EPRS1: variants seen among roughly 807,000 people sequenced by gnomAD.
EPRS1 encodes the protein bifunctional glutamate/proline--tRNA ligase.
In EPRS1, 107 loss-of-function variants were observed where a neutral mutation model predicts 188.3. The observed-to-expected ratio is 0.57, with a 90% CI of 0.49 to 0.67. EPRS1 has a LOEUF of 0.67. EPRS1 is among the 30% of genes least tolerant of loss of function. The pLI, the probability that EPRS1 is intolerant of heterozygous loss-of-function variation, is 0.00. For synonymous variants in EPRS1, 596 were observed against 593.1 expected, an observed-to-expected ratio of 1.00 and a Z score of -0.07; for missense variants, 1,577 against 1,802.2, an observed-to-expected ratio of 0.88 and a Z score of 2.26.
Position 219,991,352 on chromosome 1 carries a change from G to GT in EPRS1, c.2542-2530dup, listed in dbSNP as rs559736004. 3.3e-5 allele frequency among the ~76,000 whole-genome samples: 5 copies of GT among 150,860 alleles called. No individual in the cohort carries two copies. The East Asian group carries it at 9.8e-4, about 29-fold the overall frequency. On this transcript the variant is annotated intron_variant, in intron 18 of 31. Transcript: ENST00000366923. ...TTCAAAAAATACTTTTTTCAAACTT[G>GT]TTTTTTCCAATTTTATTACCACTCA...
intron 12 of EPRS1, among the ~76,000 whole-genome samples, chr1:220,012,383 C>G (rs1358365601): frequency 1.3e-5 from 2 of 152,270 alleles, no homozygotes; most frequent in African/African-American, 4.8e-5. Flanking sequence ...CTAGACAACC[C>G]CGCCTAAGAA....
At chr1:220,037,505 CAA>C (rs766349279) in intron 2 of EPRS1, among the ~76,000 whole-genome samples, 3 of 52,324 alleles carry the variant, frequency 5.7e-5, no homozygotes, top group Middle Eastern at 0.012. Context: ...ACTCCATCTC[CAA>C]AAAAAAAAAA....
intron 18 of EPRS1, among the ~76,000 whole-genome samples, chr1:219,992,576 G>T (rs1255656237): frequency 6.6e-6 from 1 of 152,138 alleles, no homozygotes; most frequent in East Asian, 1.9e-4. Context: ...TCTAACTGTA[G>T]CATGAAAGCA....
At chr1:220,034,827 T>C in intron 3 of EPRS1, 87 bp downstream of exon 3, 1 of 803,258 alleles carries the variant, frequency 1.2e-6, no homozygotes, top group Non-Finnish European at 2.3e-6. Flanking sequence ...AGTAGAATAG[T>C]TCATAAGCCA....
rs1354618413 is a variant in EPRS1 at position 220,041,011 on chromosome 1, G to C, written c.47-742C>G. ...CACTATGCCAAATGCTTTACAGTTA[G>C]AATTTTTCATCTTTGGGGTAACCTG... On this transcript the variant is annotated intron_variant, in intron 1 of 31. Transcript: ENST00000366923. 2.6e-5 allele frequency among the ~76,000 whole-genome samples: 4 copies of C among 151,638 alleles called. No homozygotes were observed. In the South Asian group the frequency reaches 6.3e-4, roughly 24 times the overall value.
In EPRS1 at chr1:220,025,183, G is replaced by T; in HGVS notation, c.699C>A (p.Ile233=). The part of the protein sequence containing the change: ...HYQVNFKGKL[I]MRFDDTNPEK... ...CAGGATTTGTGTCATCAAATCTCAT[G>T]ATCAGTTTCCCTTTAAAGTTAACCT... Residue 233 remains isoleucine (I), a synonymous_variant, in exon 7 of 32, where the codon ATC becomes ATA. Transcript: ENST00000366923. The T allele has an allele frequency of 6.2e-7, 1 of 1,612,674 alleles. No homozygotes were observed.
At chr1:220,033,879 C>CT (rs56389209) in intron 3 of EPRS1, among the ~76,000 whole-genome samples, 117,063 of 144,776 alleles carry the variant, frequency 0.81, 47,184 homozygotes, top group East Asian at 0.91. Context: ...ATGCTTTCTG[C>CT]TTTTTTTTTT....
intron 16 of EPRS1, 88 bp from the exon 17 acceptor site, chr1:220,001,343 G>A: frequency 2.5e-6 from 2 of 786,590 alleles, no homozygotes; most frequent in Non-Finnish European, 2.2e-6. Flanking sequence ...TAAATTCAAT[G>A]GCACTAAGTT....
In EPRS1 at chr1:220,001,140, C is replaced by G. The variant is rs371731056; in HGVS notation, c.2179G>C (p.Glu727Gln). Reference sequence around the variant, plus strand: ...CACATATCCGTAAAAGTCATTACCTCATTTTTTGTGGCTTCTACTTTGGTC... The same window carrying G: ...CACATATCCGTAAAAGTCATTACCTGATTTTTTGTGGCTTCTACTTTGGTC... The part of the protein sequence containing the change: ...EKTKVEATKN[E>Q]TSAPFKERPT... Residue 727 changes from glutamate to glutamine, a missense_variant and splice_region_variant, in exon 17 of 32, where the codon GAG (glutamate) becomes CAG (glutamine). Around this residue, in one of 3 missense-constraint regions of EPRS1, gnomAD observed 1,278 missense variants for 1,457.4 expected, o/e 0.88. Coordinates refer to ENST00000366923, the MANE Select transcript of EPRS1 (RefSeq NM_004446.3). The G allele has an allele frequency of 6.4e-7, 1 of 1,571,866 alleles. No homozygotes were observed. The highest frequency in any genetic ancestry group is 8.8e-7 in the Non-Finnish European group (1 of 1,141,368).
intron 30 of EPRS1, among the ~76,000 whole-genome samples, chr1:219,970,925 T>C (rs955696834): frequency 5.3e-5 from 8 of 152,278 alleles, no homozygotes; most frequent in Admixed American, 5.2e-4. Context: ...TATTATCTAT[T>C]TTGTACTCAT....
intron 16 of EPRS1, among the ~76,000 whole-genome samples, chr1:220,002,016 G>A (rs1376847089): frequency 2.0e-5 from 3 of 148,912 alleles, no homozygotes; most frequent in Non-Finnish European, 4.4e-5. Flanking sequence ...GTGACAGAGT[G>A]AGATTCTGTC....
intron 6 of EPRS1, among the ~76,000 whole-genome samples, chr1:220,025,806 T>C (rs1661960785): frequency 6.6e-6 from 1 of 152,000 alleles, no homozygotes; most frequent in African/African-American, 2.4e-5. Flanking sequence ...TTTTTTTTTT[T>C]TTTTTTGAGA....
At chr1:220,013,088 T>C (rs747140136) in intron 12 of EPRS1, among the ~76,000 whole-genome samples, 4 of 152,310 alleles carry the variant, frequency 2.6e-5, no homozygotes, top group African/African-American at 4.8e-5. Flanking sequence ...TAAGGGTTCA[T>C]AGAGATTGAC....
At chr1:219,982,317 C>A (rs1385339511) in intron 23 of EPRS1, among the ~76,000 whole-genome samples, 2 of 152,148 alleles carry the variant, frequency 1.3e-5, no homozygotes. Context: ...GTAACTTTCC[C>A]TGCCTTCCTC....
chr1:220,033,717 A>C, intron 3 of EPRS1, 59 bp from the exon 4 acceptor site: 2 of 1,345,162 alleles, frequency 1.5e-6, no homozygotes, highest in South Asian at 2.5e-5. Flanking sequence ...ATAAAAAGAA[A>C]GACCATAAAA....
chr1:219,976,461 CTTGTA>C (rs770093280), intron 28 of EPRS1, among the ~76,000 whole-genome samples: 24 of 152,264 alleles, frequency 1.6e-4, no homozygotes, highest in African/African-American at 4.1e-4. Flanking sequence ...ACTATACTAA[CTTGTA>C]TTGTATTATG....
chr1:220,030,086 T>C (rs778306151), intron 6 of EPRS1, among the ~76,000 whole-genome samples: 52 of 152,180 alleles, frequency 3.4e-4, no homozygotes, highest in Admixed American at 2.6e-3. Flanking sequence ...AATCTAAAAA[T>C]AAAAATGAAA....
chr1:219,980,285 T>C (rs762055553), intron 25 of EPRS1, 45 bp from the exon 26 acceptor site: 1 of 1,484,416 alleles, frequency 6.7e-7, no homozygotes, highest in Admixed American at 1.7e-5. Flanking sequence ...AGGGTACATT[T>C]ATTCATTAAG....
intron 27 of EPRS1, among the ~76,000 whole-genome samples, chr1:219,979,123 G>A (rs868807190): frequency 2.0e-5 from 3 of 152,300 alleles, no homozygotes; most frequent in Middle Eastern, 6.8e-3. Flanking sequence ...CCACAGTGCT[G>A]GGATTACAGG....
Sources: allele counts gnomAD v4.1 joint callset (sites outside exome capture counted in the v4.1 genomes callset), GRCh38; gene constraint gnomAD v4.1.1; regional missense constraint gnomAD v4.1.1; transcripts MANE v1.5; gene names NCBI Gene and HGNC (gene_info 2026-07-23, HGNC 2026-07-21).